The following FAM120A variants were observed in gnomAD, a reference collection of about 807,000 sequenced individuals.
FAM120A encodes the protein family with sequence similarity 120 member A.
A neutral mutation model predicts 109.7 loss-of-function variants in FAM120A; 15 were observed. The ratio of observed to expected loss-of-function variants is 0.14; its 90% CI spans 0.09 to 0.21. The LOEUF is 0.21. Ranked by LOEUF, FAM120A falls within the 10% of genes least tolerant of loss-of-function variation. The pLI is 1.00. For synonymous variants in FAM120A, 493 were observed against 572.8 expected (o/e 0.86, Z 1.99); for missense variants, 899 against 1,439.3 (o/e 0.62, Z 6.07).
chr9:93,523,265 T>C (rs1031614417), intron 7 of FAM120A: 4 of 1,277,818 alleles, frequency 3.1e-6, no homozygotes, highest in Middle Eastern at 2.1e-4. Flanking sequence ...TTGAATGTTT[T>C]TCTTGTCCTT....
chr9:93,479,974 A>T (rs1858725885), intron 3 of FAM120A, among the ~76,000 whole-genome samples: 1 of 152,212 alleles, frequency 6.6e-6, no homozygotes, highest in African/African-American at 2.4e-5. Flanking sequence ...ATCTGCAGAG[A>T]GGAAAGCTAG....
Position 93,532,079 on chromosome 9 carries a change from C to T in FAM120A, c.1735-76C>T. 1 of 1,306,300 alleles carries T rather than the reference C, an allele frequency of 7.7e-7. No individual in the cohort carries two copies. The highest frequency in any genetic ancestry group is 1.1e-6 in the Non-Finnish European group (1 of 919,672). The allele number at this position is 1,306,300 out of a possible 1,614,324, so 80.9% of individuals were successfully genotyped here. On this transcript the variant is annotated intron_variant, in intron 9 of 17. Coordinates refer to ENST00000277165, the MANE Select transcript of FAM120A (RefSeq NM_014612.5). The surrounding 1 kb of genome is among the most constrained non-coding windows in gnomAD (Gnocchi z 4.3). ...GCAATGTCATTAACTGGAGATAATA[C>T]AGTATATTTCTGTGAGTGTATTGTA...
At chr9:93,494,323 C>G (rs1453578679) in intron 3 of FAM120A, among the ~76,000 whole-genome samples, 1 of 152,228 alleles carries the variant, frequency 6.6e-6, no homozygotes, top group Non-Finnish European at 1.5e-5. Flanking sequence ...GTCACCGTCA[C>G]CATCCACATT....
intron 1 of FAM120A, among the ~76,000 whole-genome samples, chr9:93,467,566 T>TGGAC: frequency 6.6e-6 from 1 of 152,174 alleles, no homozygotes; most frequent in East Asian, 1.9e-4. Flanking sequence ...ATAGGAAAGA[T>TGGAC]GGACTGAGGC....
At chr9:93,557,125 T>C (rs569317520) in intron 13 of FAM120A, among the ~76,000 whole-genome samples, 1 of 130,250 alleles carries the variant, frequency 7.7e-6, no homozygotes, top group East Asian at 2.3e-4. Flanking sequence ...TTGTTTGTTT[T>C]GGTTTTTTTT....
chr9:93,453,462 C>T (rs1171193813), intron 1 of FAM120A: 2 of 985,322 alleles, frequency 2.0e-6, no homozygotes, highest in East Asian at 1.1e-4. Flanking sequence ...TAGCTCTTGA[C>T]ACTCGGTCTT....
chr9:93,558,571 G>T lies in FAM120A; in HGVS notation c.2669-10G>T, dbSNP rs1862370972. 2 of 1,613,824 alleles carry T rather than the reference G, an allele frequency of 1.2e-6. No homozygotes were observed. The highest frequency in any genetic ancestry group is 1.7e-6 in the Non-Finnish European group (2 of 1,179,966). ...ACTTCTCCCCTCTCTCTCTACCCCG[G>T]GTCCCACAGGCGTCTGTGGCTTTGG... On this transcript the variant is annotated splice_polypyrimidine_tract_variant and intron_variant, in intron 14 of 17. Transcript: ENST00000277165.
At chr9:93,547,925 GAA>G (rs1325234626) in intron 11 of FAM120A, among the ~76,000 whole-genome samples, 1 of 152,192 alleles carries the variant, frequency 6.6e-6, no homozygotes, top group African/African-American at 2.4e-5. Context: ...CCTATGATGA[GAA>G]GGGTCTAAAC....
rs556058303 is a variant in FAM120A at position 93,503,460 on chromosome 9, A to G, written c.1030+4574A>G. 2.3e-4 allele frequency among the ~76,000 whole-genome samples: 35 copies of G among 152,290 alleles called. No homozygotes were observed. In the South Asian group the frequency reaches 5.8e-3, roughly 25 times the overall value. On this transcript the variant is annotated intron_variant, in intron 5 of 17. Coordinates refer to ENST00000277165, the MANE Select transcript of FAM120A (RefSeq NM_014612.5). ...CAGAGGAACATAAGTACATATCACT[A>G]AGTGAAAGAAGCCAATCAGAAAAGG...
intron 3 of FAM120A, among the ~76,000 whole-genome samples, chr9:93,493,615 C>T (rs1393675282): frequency 5.9e-5 from 9 of 152,220 alleles, no homozygotes; most frequent in Admixed American, 1.3e-4. Context: ...GGAGCAGCAG[C>T]GGCTGATGTT....
At chr9:93,499,357 G>A (rs886946352) in intron 5 of FAM120A, among the ~76,000 whole-genome samples, 3 of 151,516 alleles carry the variant, frequency 2.0e-5, no homozygotes, top group Non-Finnish European at 4.4e-5. Flanking sequence ...GTGTGACCTC[G>A]GCTCACTGCA....
intron 3 of FAM120A, among the ~76,000 whole-genome samples, chr9:93,492,183 T>C (rs1183925132): frequency 6.8e-6 from 1 of 147,438 alleles, no homozygotes; most frequent in Non-Finnish European, 1.5e-5. Context: ...TGTGTGTGTA[T>C]ATATATATAT....
chr9:93,453,580 C>A, intron 1 of FAM120A: 1 of 985,350 alleles, frequency 1.0e-6, no homozygotes, highest in South Asian at 4.7e-5. Context: ...GTAGTTAAGC[C>A]TAAAATGATA....
At chr9:93,489,369 C>T (rs1329786286) in intron 3 of FAM120A, among the ~76,000 whole-genome samples, 1 of 151,242 alleles carries the variant, frequency 6.6e-6, no homozygotes, top group African/African-American at 2.5e-5. Context: ...GAATACATGA[C>T]AGGTATTCCC....
intron 9 of FAM120A, chr9:93,530,558 A>G (rs1365440833): frequency 6.6e-6 from 1 of 152,240 alleles, no homozygotes; most frequent in Non-Finnish European, 1.5e-5. Flanking sequence ...ATTAAAGGAC[A>G]TGGAAAACAT....
intron 9 of FAM120A, chr9:93,530,072 A>AT: frequency 5.4e-6 from 1 of 185,256 alleles, no homozygotes; most frequent in South Asian, 1.2e-4. Flanking sequence ...AGTGCTAAGA[A>AT]CAAAAAATAT....
intron 1 of FAM120A, among the ~76,000 whole-genome samples, chr9:93,469,735 G>T (rs1249915717): frequency 6.6e-5 from 10 of 152,170 alleles, no homozygotes; most frequent in East Asian, 1.9e-4. Flanking sequence ...ATGTTGTTTG[G>T]TTTTTTTCTT....
In FAM120A at chr9:93,545,780, C is replaced by CTTTTTTTTTTTTTTT. The variant is rs774150537; in HGVS notation, c.2159+2321_2159+2335dup. Among the ~76,000 whole-genome samples the CTTTTTTTTTTTTTTT allele has an allele frequency of 8.1e-3, 532 of 65,510 alleles. 79 individuals are homozygous for CTTTTTTTTTTTTTTT. Among genetic ancestry groups the CTTTTTTTTTTTTTTT allele is most frequent in the East Asian group, 0.013 (25 of 1,936 alleles). 43.0% of individuals were successfully genotyped at this position (65,510 alleles called of 152,430 possible). A position where few individuals can be genotyped will look rare whatever the true frequency, so the allele number is the denominator to read the frequency against. On this transcript the variant is annotated intron_variant, in intron 11 of 17. Transcript: ENST00000277165. ...GAAGACTGGCTGATGGGAAAGACTC[C>CTTTTTTTTTTTTTTT]TTTTTTTTTTTTTTTTTTTTTTTTT...
At chr9:93,555,689 G>A (rs1862262906) in intron 12 of FAM120A, among the ~76,000 whole-genome samples, 1 of 152,178 alleles carries the variant, frequency 6.6e-6, no homozygotes, top group Non-Finnish European at 1.5e-5. Flanking sequence ...TAGAAGGTAG[G>A]CACCCAGCAC....
Sources: allele counts gnomAD v4.1 joint callset (sites outside exome capture counted in the v4.1 genomes callset), GRCh38; gene constraint gnomAD v4.1.1; non-coding constraint Gnocchi (gnomAD v3.1); transcripts MANE v1.5; gene names NCBI Gene and HGNC (gene_info 2026-07-23, HGNC 2026-07-21).